The following RFTN1 variants were observed in gnomAD, a reference collection of about 807,000 sequenced individuals.
RFTN1 encodes the protein raftlin, lipid raft linker 1.
A neutral mutation model predicts 46.5 loss-of-function variants in RFTN1; 26 were observed. That is an observed-to-expected ratio of 0.56 (90% CI 0.41 to 0.78). The LOEUF (loss-of-function observed/expected upper bound fraction) is 0.78. Ranked by LOEUF, RFTN1 falls within the 30% of genes least tolerant of loss-of-function variation. RFTN1 has a pLI of 0.00. For synonymous variants in RFTN1, 261 were observed against 284.2 expected (o/e 0.92, Z 0.82); for missense variants, 693 against 718.7 (o/e 0.96, Z 0.41).
In RFTN1 at chr3:16,501,073, G is replaced by T. The variant is rs181369942; in HGVS notation, c.-8-7196C>A. Among the ~76,000 whole-genome samples the T allele has an allele frequency of 9.9e-5, 15 of 152,276 alleles. No homozygotes were observed. In the East Asian group the frequency reaches 2.9e-3, roughly 29 times the overall value. On this transcript the variant is annotated intron_variant, in intron 1 of 9. Coordinates refer to ENST00000334133, the MANE Select transcript of RFTN1 (RefSeq NM_015150.2). ...AGTCTTTTGAACCCAGGATTGCGAG[G>T]CTGCAGTGAACTCTGATCGCACCAC... is the stretch of plus-strand genomic sequence containing the variant.
chr3:16,473,274 T>C lies in RFTN1; in HGVS notation c.145+20451A>G, dbSNP rs927307266. Among the ~76,000 whole-genome samples, 43 of 152,288 alleles carry C rather than the reference T, an allele frequency of 2.8e-4. No individual in the cohort carries two copies. The highest frequency in any genetic ancestry group is 3.4e-3 in the Middle Eastern group (1 of 294). ...TGATACCAGGTGACTGGGTGTGCTG[T>C]GGGGTGCCAAATGTCCACATATTGA... On this transcript the variant is annotated intron_variant, in intron 2 of 9. Coordinates refer to ENST00000334133, the MANE Select transcript of RFTN1 (RefSeq NM_015150.2). The surrounding 1 kb of genome is among the most constrained non-coding windows in gnomAD (Gnocchi z 5.3).
At chr3:16,331,584 C>T (rs985123818) in intron 7 of RFTN1, among the ~76,000 whole-genome samples, 3 of 152,052 alleles carry the variant, frequency 2.0e-5, no homozygotes, top group Non-Finnish European at 4.4e-5. Flanking sequence ...ACTAATTTAT[C>T]CCACATGTTG....
chr3:16,510,201 C>T (rs1171209480), intron 1 of RFTN1, among the ~76,000 whole-genome samples: 1 of 152,186 alleles, frequency 6.6e-6, no homozygotes, highest in African/African-American at 2.4e-5. Context: ...TCTGACCTGC[C>T]CCTCAAAATA....
chr3:16,334,784 G>C lies in RFTN1; in HGVS notation c.1147-7908C>G, dbSNP rs2070688576. On this transcript the variant is annotated intron_variant, in intron 7 of 9. Transcript: ENST00000334133. This position sits in a 1 kb window ranked among gnomAD's most constrained non-coding sequence, Gnocchi z 4.3. ...AAAATGTTCCCTTCGCATGGTAAAG[G>C]GATGTGGCAGATATGATTAAGCTAA... 6.6e-6 allele frequency among the ~76,000 whole-genome samples: 1 copy of C among 152,214 alleles called. No individual in the cohort carries two copies. The highest frequency in any genetic ancestry group is 2.1e-4 in the South Asian group (1 of 4,830).
At position 16,317,272 on chromosome 3, in the gene RFTN1, G is replaced by A. The variant is rs772401905; in HGVS notation, c.1333-40C>T. ...GGATGGGGATAAATAACAAGCCTCC[G>A]GGAACCCAGAGCTTCACCCAAAGCC... On this transcript the variant is annotated intron_variant, in intron 9 of 9. Transcript: ENST00000334133. This position sits in a 1 kb window ranked among gnomAD's most constrained non-coding sequence, Gnocchi z 4.3. The A allele has an allele frequency of 8.6e-5, 138 of 1,599,232 alleles. 1 individual carries two copies. The South Asian group carries it at 1.2e-3, about 14-fold the overall frequency.
intron 7 of RFTN1, among the ~76,000 whole-genome samples, chr3:16,331,701 G>A (rs997676656): frequency 1.3e-5 from 2 of 152,052 alleles, no homozygotes; most frequent in African/African-American, 4.8e-5. Context: ...CTCTAATCTG[G>A]TCTGGCTGCT....
Position 16,334,516 on chromosome 3 carries a change from G to A in RFTN1, c.1147-7640C>T, listed in dbSNP as rs1379038242. ...AACTACTCAAGTGCCCATCAGTGCT[G>A]GATTTGTATTTAACATTATGTTTCA... On this transcript the variant is annotated intron_variant, in intron 7 of 9. Coordinates refer to ENST00000334133, the MANE Select transcript of RFTN1 (RefSeq NM_015150.2). This position sits in a 1 kb window ranked among gnomAD's most constrained non-coding sequence, Gnocchi z 4.3. 6.6e-6 allele frequency among the ~76,000 whole-genome samples: 1 copy of A among 152,168 alleles called. No individual in the cohort carries two copies.
intron 1 of RFTN1, among the ~76,000 whole-genome samples, chr3:16,510,409 G>T (rs1050318031): frequency 2.6e-5 from 4 of 152,148 alleles, no homozygotes; most frequent in East Asian, 1.9e-4. Context: ...CACAACCAAG[G>T]GTACATTCCC....
In RFTN1 at chr3:16,378,185, C is replaced by G. The variant is rs187268671; in HGVS notation, c.442-83G>C. 6.4e-5 allele frequency: 73 copies of G among 1,147,992 alleles called. 1 individual carries two copies. Among genetic ancestry groups the G allele is most frequent in the Admixed American group, 1.5e-4 (7 of 46,324 alleles). 71.1% of individuals were successfully genotyped at this position (1,147,992 alleles called of 1,614,324 possible). On this transcript the variant is annotated intron_variant, in intron 4 of 9. Coordinates refer to ENST00000334133, the MANE Select transcript of RFTN1 (RefSeq NM_015150.2). ...ACGTGCAGCGTGCAAAGCGCCTCCC[C>G]GAGGCCTGCGAGGCTGTTTCAGGTG...
chr3:16,446,380 C>T lies in RFTN1; in HGVS notation c.146-12343G>A, dbSNP rs552931272. The stretch of plus-strand genomic sequence containing the variant: ...GTACCGTTAGGGAAATTCACATTGT[C>T]GTGCAACCATCACCACCATCTATCT... On this transcript the variant is annotated intron_variant, in intron 2 of 9. Transcript: ENST00000334133. This position sits in a 1 kb window ranked among gnomAD's most constrained non-coding sequence, Gnocchi z 4.5. Among the ~76,000 whole-genome samples the T allele has an allele frequency of 1.3e-5, 2 of 152,044 alleles. No homozygotes were observed. The highest frequency in any genetic ancestry group is 1.9e-4 in the East Asian group (1 of 5,176).
chr3:16,401,664 T>C (rs1008201825), intron 4 of RFTN1, among the ~76,000 whole-genome samples: 4 of 152,246 alleles, frequency 2.6e-5, no homozygotes, highest in Non-Finnish European at 4.4e-5. Flanking sequence ...ATCTCTGTTA[T>C]GAATTGGCAA....
intron 4 of RFTN1, among the ~76,000 whole-genome samples, chr3:16,397,798 CTT>C (rs1553581226): frequency 3.7e-5 from 5 of 134,350 alleles, no homozygotes; most frequent in Admixed American, 7.7e-5. Flanking sequence ...CTCTCTCTTT[CTT>C]TTTTCTTTCT....
rs761462400 is a variant in RFTN1, at chr3:16,354,311, G to A, written c.1146+3621C>T. On this transcript the variant is annotated intron_variant, in intron 7 of 9. Transcript: ENST00000334133. ...TGACTCCTGAAGGTTGTTTCCACCA[G>A]CTGCAAAGAGGAAAAGAAACCCATA... Among the ~76,000 whole-genome samples, 3 of 152,222 alleles carry A rather than the reference G, an allele frequency of 2.0e-5. No individual in the cohort carries two copies. The South Asian group carries it at 6.2e-4, about 32-fold the overall frequency.
intron 6 of RFTN1, among the ~76,000 whole-genome samples, chr3:16,366,950 C>T (rs9835911): frequency 0.41 from 61,428 of 151,378 alleles, 13,217 homozygotes; most frequent in African/African-American, 0.67. Context: ...ACACCATGAG[C>T]AGGAGCCCAA....
Position 16,334,310 on chromosome 3 carries a change from G to C in RFTN1, c.1147-7434C>G, listed in dbSNP as rs981017452. On this transcript the variant is annotated intron_variant, in intron 7 of 9. Transcript: ENST00000334133. This position sits in a 1 kb window ranked among gnomAD's most constrained non-coding sequence, Gnocchi z 4.3. ...AAGCATGCGTTCTTGTACATTGCTAGTGGAAGGGCTCATTGATTCAACCCT... is the reference window on the plus strand; with the variant it reads ...AAGCATGCGTTCTTGTACATTGCTACTGGAAGGGCTCATTGATTCAACCCT... Among the ~76,000 whole-genome samples, 1 of 152,220 alleles carries C rather than the reference G, an allele frequency of 6.6e-6. No individual in the cohort carries two copies. The highest frequency in any genetic ancestry group is 1.5e-5 in the Non-Finnish European group (1 of 68,032).
chr3:16,401,321 T>TTCA (rs1252368483), intron 4 of RFTN1, among the ~76,000 whole-genome samples: 12 of 145,412 alleles, frequency 8.3e-5, no homozygotes, highest in Non-Finnish European at 4.5e-5. Context: ...GAAGCCGTGT[T>TTCA]AAAAAAAAAA....
rs979577394 is a variant in RFTN1, at chr3:16,407,372, G to A, written c.441+2003C>T. 7.1e-6 allele frequency among the ~76,000 whole-genome samples: 1 copy of A among 141,350 alleles called. No homozygotes were observed. The highest frequency in any genetic ancestry group is 7.0e-5 in the Admixed American group (1 of 14,220). 92.7% of individuals were successfully genotyped at this position (141,350 alleles called of 152,430 possible). A position where few individuals can be genotyped will look rare whatever the true frequency, so the allele number is the denominator to read the frequency against. ...TTTTTAAAGAGACTTTTTTTTTTTT[G>A]GCAGAGATGGAGGTCTCACTATGTT... is the stretch of plus-strand genomic sequence containing the variant. On this transcript the variant is annotated intron_variant, in intron 4 of 9. Transcript: ENST00000334133. The surrounding 1 kb of genome is among the most constrained non-coding windows in gnomAD (Gnocchi z 4.0).
In RFTN1 at chr3:16,370,593, A is replaced by G. The variant is rs961366208; in HGVS notation, c.827-314T>C. On this transcript the variant is annotated intron_variant, in intron 5 of 9. Coordinates refer to ENST00000334133, the MANE Select transcript of RFTN1 (RefSeq NM_015150.2). The surrounding 1 kb of genome is among the most constrained non-coding windows in gnomAD (Gnocchi z 5.5). Reference sequence around the variant, plus strand: ...GGTGTTTGAGAAAAGAACATAGCAGATGGTTCTAGAAATTCATACAAAGAT... The same window carrying G: ...GGTGTTTGAGAAAAGAACATAGCAGGTGGTTCTAGAAATTCATACAAAGAT... 6.6e-6 allele frequency among the ~76,000 whole-genome samples: 1 copy of G among 152,228 alleles called. No homozygotes were observed. Among genetic ancestry groups the G allele is most frequent in the African/African-American group, 2.4e-5 (1 of 41,462 alleles).
In RFTN1 at chr3:16,387,815, C is replaced by T. The variant is rs552404629; in HGVS notation, c.442-9713G>A. Among the ~76,000 whole-genome samples the T allele has an allele frequency of 9.9e-5, 15 of 152,204 alleles. No homozygotes were observed. The highest frequency in any genetic ancestry group is 2.4e-4 in the African/African-American group (10 of 41,520). ...CACAGCCCTCCTGTCACCTCCATGACGCCAAATCCCACAGGCTTTTTAGCC... is the reference window on the plus strand; with the variant it reads ...CACAGCCCTCCTGTCACCTCCATGATGCCAAATCCCACAGGCTTTTTAGCC... On this transcript the variant is annotated intron_variant, in intron 4 of 9. Transcript: ENST00000334133. This position sits in a 1 kb window ranked among gnomAD's most constrained non-coding sequence, Gnocchi z 5.2.
Sources: gnomAD v4.1 joint callset for allele counts (sites outside exome capture counted in the v4.1 genomes callset) on GRCh38, gnomAD v4.1.1 for gene constraint, Gnocchi (gnomAD v3.1) non-coding constraint, MANE v1.5 for transcripts, NCBI Gene and HGNC (gene_info 2026-07-23, HGNC 2026-07-21) for gene names.